NRG3: variants seen among roughly 807,000 people sequenced by gnomAD.
NRG3 encodes neuregulin 3.
Under a neutral mutation model 66.9 loss-of-function variants are expected in NRG3, and 31 were observed. That is an observed-to-expected ratio of 0.46 (90% confidence interval 0.35 to 0.63). The LOEUF (loss-of-function observed/expected upper bound fraction) is 0.63. NRG3 is among the 20% of genes least tolerant of loss of function. The pLI, the probability that NRG3 is intolerant of heterozygous loss-of-function variation, is 0.00. For missense variants in NRG3, 910 were observed against 878.9 expected (o/e 1.04, Z -0.45); for synonymous variants, 393 against 359.4 (o/e 1.09, Z -1.06).
chr10:82,612,463 A>C (rs1276214908), intron 2 of NRG3, among the ~76,000 whole-genome samples: 1 of 152,142 alleles, frequency 6.6e-6, no homozygotes, highest in East Asian at 1.9e-4. Context: ...TGGATCCCCA[A>C]AATAACAATA....
intron 2 of NRG3, among the ~76,000 whole-genome samples, chr10:82,437,953 G>A (rs1440058371): frequency 1.3e-5 from 2 of 152,200 alleles, no homozygotes; most frequent in East Asian, 1.9e-4. Flanking sequence ...ACCTCGAGGG[G>A]CACCAACCTG....
intron 2 of NRG3, among the ~76,000 whole-genome samples, chr10:82,684,999 G>A (rs1045575042): frequency 6.6e-6 from 1 of 152,100 alleles, no homozygotes; most frequent in Non-Finnish European, 1.5e-5. Flanking sequence ...ATGGGTTTGA[G>A]AACATGAATA....
At chr10:82,937,738 G>A (rs950487759) in intron 4 of NRG3, among the ~76,000 whole-genome samples, 2 of 152,332 alleles carry the variant, frequency 1.3e-5, no homozygotes, top group Admixed American at 1.3e-4. Context: ...ACAGTTGACT[G>A]ACTGTGATTA....
At chr10:82,199,508 C>G (rs1371933864) in intron 1 of NRG3, among the ~76,000 whole-genome samples, 2 of 152,168 alleles carry the variant, frequency 1.3e-5, no homozygotes, top group African/African-American at 4.8e-5. Context: ...ATAAACTGAT[C>G]TGTTAATACA....
At chr10:82,253,570 C>A (rs2134123587) in intron 1 of NRG3, among the ~76,000 whole-genome samples, 1 of 152,284 alleles carries the variant, frequency 6.6e-6, no homozygotes, top group East Asian at 1.9e-4. Context: ...ATTCTCACTT[C>A]AAACACACCA....
chr10:82,176,895 A>AC (rs2073073849), intron 1 of NRG3, among the ~76,000 whole-genome samples: 1 of 151,178 alleles, frequency 6.6e-6, no homozygotes, highest in Non-Finnish European at 1.5e-5. Context: ...ACACACACAC[A>AC]CACACACACA....
intron 4 of NRG3, among the ~76,000 whole-genome samples, chr10:82,896,191 A>C (rs737127): frequency 6.6e-6 from 1 of 152,014 alleles, no homozygotes; most frequent in Non-Finnish European, 1.5e-5. Flanking sequence ...CCTCTTCAAC[A>C]TGTGAGTTGT....
In NRG3 at chr10:82,951,470, G is replaced by A. The variant is rs1849509682; in HGVS notation, c.1056G>A (p.Glu352=). Residue 352 remains glutamate (E), a splice_region_variant and synonymous_variant, in exon 5 of 9, where the codon GAG becomes GAA. Transcript: ENST00000372141. ...TAATTTTGTTTTTCAAATTCACAGA[G>A]AGTGAAGAAGTTTATCAAAGGCAGG... ...PTDHLGIEFM[E]SEEVYQRQVL... 1.2e-6 allele frequency: 2 copies of A among 1,612,062 alleles called. No individual in the cohort carries two copies. The highest frequency in any genetic ancestry group is 1.7e-6 in the Non-Finnish European group (2 of 1,178,290).
At chr10:82,664,627 C>T (rs1014623824) in intron 2 of NRG3, among the ~76,000 whole-genome samples, 1 of 152,038 alleles carries the variant, frequency 6.6e-6, no homozygotes, top group East Asian at 1.9e-4. Context: ...TAAGTTGAGG[C>T]TTATGGATGG....
chr10:82,453,928 A>G (rs1004874722), intron 2 of NRG3, among the ~76,000 whole-genome samples: 4 of 152,344 alleles, frequency 2.6e-5, no homozygotes, highest in East Asian at 1.9e-4. Context: ...CAGAAATGCT[A>G]TGGATATATA....
intron 1 of NRG3, among the ~76,000 whole-genome samples, chr10:82,046,263 C>A (rs1431806418): frequency 1.4e-5 from 1 of 71,634 alleles, no homozygotes; most frequent in Non-Finnish European, 3.0e-5. Context: ...GTTTGTAGTT[C>A]TCCTTGAAGA....
At chr10:82,729,936 T>C (rs537514773) in intron 2 of NRG3, among the ~76,000 whole-genome samples, 1 of 152,292 alleles carries the variant, frequency 6.6e-6, no homozygotes, top group South Asian at 2.1e-4. Context: ...CAAATAGTGA[T>C]GCATGCAGCA....
chr10:82,953,912 C>T lies in NRG3; in HGVS notation c.1157+2341C>T, dbSNP rs1311744159. ...GGTGGAGGTTGCAGTGAGCCAAGAT[C>T]GCACGACTGCACTCCAACCTAGGCA... On this transcript the variant is annotated intron_variant, in intron 5 of 8. Coordinates refer to ENST00000372141, the MANE Select transcript of NRG3 (RefSeq NM_001010848.4). Among the ~76,000 whole-genome samples, 4 of 150,524 alleles carry T rather than the reference C, an allele frequency of 2.7e-5. No homozygotes were observed. The East Asian group carries it at 5.9e-4, about 22-fold the overall frequency.
At chr10:81,878,772 C>T (rs1841915914) in intron 1 of NRG3, among the ~76,000 whole-genome samples, 2 of 152,030 alleles carry the variant, frequency 1.3e-5, no homozygotes, top group South Asian at 4.1e-4. Context: ...CGTTTTTTGA[C>T]TAACCCACAA....
intron 2 of NRG3, among the ~76,000 whole-genome samples, chr10:82,360,280 G>A (rs923373377): frequency 3.4e-4 from 51 of 152,146 alleles, no homozygotes; most frequent in African/African-American, 1.2e-3. Flanking sequence ...AGACCTTAAG[G>A]GAAAATCCAG....
intron 1 of NRG3, among the ~76,000 whole-genome samples, chr10:82,255,186 A>G (rs73304669): frequency 0.02 from 3,037 of 152,304 alleles, 111 homozygotes; most frequent in African/African-American, 0.069. Flanking sequence ...ATTGTGAGAA[A>G]AACACCAGAC....
chr10:82,984,755 C>T (rs1432039384), intron 8 of NRG3: 3 of 1,551,218 alleles, frequency 1.9e-6, no homozygotes, highest in African/African-American at 1.4e-5. Flanking sequence ...CACTTACCTG[C>T]TCAATCCCCA....
intron 6 of NRG3, among the ~76,000 whole-genome samples, chr10:82,968,288 A>G (rs892424518): frequency 6.6e-6 from 1 of 152,224 alleles, no homozygotes; most frequent in Admixed American, 6.5e-5. Flanking sequence ...ACCTCCGGAT[A>G]GGAATACCAG....
intron 8 of NRG3, among the ~76,000 whole-genome samples, chr10:82,981,532 G>A (rs1173390810): frequency 6.6e-6 from 1 of 152,206 alleles, no homozygotes; most frequent in African/African-American, 2.4e-5. Flanking sequence ...CCAGCCTGGA[G>A]GAGGGGGAAA....
Sources: allele counts gnomAD v4.1 joint callset (sites outside exome capture counted in the v4.1 genomes callset), GRCh38; gene constraint gnomAD v4.1.1; transcripts MANE v1.5; gene names NCBI Gene and HGNC (gene_info 2026-07-23, HGNC 2026-07-21).